Variants in ZBTB7C observed in about 807,000 individuals in gnomAD.
ZBTB7C encodes zinc finger and BTB domain containing 7C, also known as zinc finger and BTB domain-containing protein 7C.
ZBTB7C carries 8 observed loss-of-function variants against 25.7 expected under a neutral mutation model. That is an observed-to-expected ratio of 0.31 (90% confidence interval 0.18 to 0.56). The LOEUF (loss-of-function observed/expected upper bound fraction) is 0.56. Ranked by LOEUF, ZBTB7C falls within the 20% of genes least tolerant of loss-of-function variation. The probability of loss-of-function intolerance (pLI) is 0.91; values close to 1 mark genes in which losing one functional copy is unlikely to be tolerated. For synonymous variants in ZBTB7C, 394 were observed against 369.0 expected, an observed-to-expected ratio of 1.07 and a Z score of -0.78; for missense variants, 824 against 855.2, an observed-to-expected ratio of 0.96 and a Z score of 0.46.
rs565382970 is a variant in ZBTB7C at position 48,325,098 on chromosome 18, T to A, written c.-79+13076A>T. Reference sequence around the variant, plus strand: ...CTGTGCATGGTAACATGGGATTGAATGACTGATTGGTCTACTAACTGATTA... The same window carrying A: ...CTGTGCATGGTAACATGGGATTGAAAGACTGATTGGTCTACTAACTGATTA... On this transcript the variant is annotated intron_variant, in intron 2 of 4. Coordinates refer to ENST00000590800, the MANE Select transcript of ZBTB7C (RefSeq NM_001318841.2). Among the ~76,000 whole-genome samples, 9 of 152,304 alleles carry A rather than the reference T, an allele frequency of 5.9e-5. No homozygotes were observed. The South Asian group carries it at 1.9e-3, about 32-fold the overall frequency.
chr18:48,294,136 G>A lies in ZBTB7C; in HGVS notation c.-79+44038C>T, dbSNP rs530256615. Among the ~76,000 whole-genome samples, 23 of 152,326 alleles carry A rather than the reference G, an allele frequency of 1.5e-4. No individual in the cohort carries two copies. In the East Asian group the frequency reaches 3.9e-3, roughly 26 times the overall value. ...AGCATGCACCTTCCCCTGGGAGCCCGGAGAGCACATTAGCAGAGGCTTGGA... is the reference window on the plus strand; with the variant it reads ...AGCATGCACCTTCCCCTGGGAGCCCAGAGAGCACATTAGCAGAGGCTTGGA... On this transcript the variant is annotated intron_variant, in intron 2 of 4. Coordinates refer to ENST00000590800, the MANE Select transcript of ZBTB7C (RefSeq NM_001318841.2).
At chr18:48,135,729 C>T (rs186636473) in intron 3 of ZBTB7C, among the ~76,000 whole-genome samples, 3 of 152,286 alleles carry the variant, frequency 2.0e-5, no homozygotes, top group Non-Finnish European at 2.9e-5. Context: ...AGAGCCTTTA[C>T]CACCTCCAAG....
At chr18:48,150,792 A>G (rs938692382) in intron 3 of ZBTB7C, 1 of 152,148 alleles carries the variant, frequency 6.6e-6, no homozygotes, top group Non-Finnish European at 1.5e-5. Context: ...TGCAAATTTG[A>G]AGTCCCTGAT....
At chr18:48,354,594 T>G (rs2046936351) in intron 1 of ZBTB7C, among the ~76,000 whole-genome samples, 1 of 152,162 alleles carries the variant, frequency 6.6e-6, no homozygotes, top group African/African-American at 2.4e-5. Context: ...TTATACCACA[T>G]GAATAGAGCT....
chr18:48,379,289 T>C (rs537237743), intron 1 of ZBTB7C, among the ~76,000 whole-genome samples: 12 of 152,324 alleles, frequency 7.9e-5, no homozygotes, highest in African/African-American at 2.9e-4. Flanking sequence ...AACTGGGTAG[T>C]ATGCATTCTT....
chr18:48,373,260 G>T (rs2047431214), intron 1 of ZBTB7C, among the ~76,000 whole-genome samples: 1 of 151,614 alleles, frequency 6.6e-6, no homozygotes, highest in Non-Finnish European at 1.5e-5. Context: ...ACAAGATCTG[G>T]TCATTTAAAA....
chr18:48,037,784 G>A lies in ZBTB7C; in HGVS notation c.1208+2116C>T, dbSNP rs113316202. On this transcript the variant is annotated intron_variant, in intron 4 of 4. Coordinates refer to ENST00000590800, the MANE Select transcript of ZBTB7C (RefSeq NM_001318841.2). The stretch of plus-strand genomic sequence containing the variant: ...CAAGGGGGCAGGCATGGGCAGTTAG[G>A]GAGGCAGAGCCTGCGTTGGCAGGAG... Among the ~76,000 whole-genome samples, 26 of 152,328 alleles carry A rather than the reference G, an allele frequency of 1.7e-4. 1 individual carries two copies. Among genetic ancestry groups the A allele is most frequent in the African/African-American group, 6.3e-4 (26 of 41,582 alleles).
chr18:48,046,740 T>G (rs2036483609), intron 3 of ZBTB7C, among the ~76,000 whole-genome samples: 2 of 151,976 alleles, frequency 1.3e-5, no homozygotes, highest in Non-Finnish European at 2.9e-5. Context: ...TTCTGTGCTT[T>G]GAGAGCAATG....
At chr18:48,179,415 G>C (rs1167197529) in intron 3 of ZBTB7C, among the ~76,000 whole-genome samples, 2 of 152,202 alleles carry the variant, frequency 1.3e-5, no homozygotes, top group Non-Finnish European at 2.9e-5. Context: ...GCTGGATGTG[G>C]GGAATGTGGG....
intron 1 of ZBTB7C, among the ~76,000 whole-genome samples, chr18:48,339,680 G>C (rs1451972146): frequency 6.6e-6 from 1 of 152,194 alleles, no homozygotes; most frequent in Non-Finnish European, 1.5e-5. Flanking sequence ...TGGGAAGGAG[G>C]AGGGGGACAT....
intron 1 of ZBTB7C, among the ~76,000 whole-genome samples, chr18:48,399,077 ACAGT>A (rs1320911631): frequency 6.6e-6 from 1 of 152,248 alleles, no homozygotes; most frequent in East Asian, 1.9e-4. Flanking sequence ...TAATTGTCAG[ACAGT>A]CAGATATCTC....
rs950283280 is a variant in ZBTB7C at position 48,178,266 on chromosome 18, G to A, written c.-17+7668C>T. Reference sequence around the variant, plus strand: ...CTCTCCCTTAATGTATTTGGTACTTGTCTGCACGGGAGGCCCCACATTGCC... The same window carrying A: ...CTCTCCCTTAATGTATTTGGTACTTATCTGCACGGGAGGCCCCACATTGCC... On this transcript the variant is annotated intron_variant, in intron 3 of 4. Coordinates refer to ENST00000590800, the MANE Select transcript of ZBTB7C (RefSeq NM_001318841.2). Among the ~76,000 whole-genome samples the A allele has an allele frequency of 1.8e-4, 28 of 152,182 alleles. 1 individual carries two copies.
At chr18:48,077,341 G>A (rs1322688006) in intron 3 of ZBTB7C, among the ~76,000 whole-genome samples, 1 of 152,178 alleles carries the variant, frequency 6.6e-6, no homozygotes, top group African/African-American at 2.4e-5. Context: ...AGGGGGTAAT[G>A]AAGGTGAGAT....
chr18:48,279,159 C>A (rs1296950146), intron 2 of ZBTB7C, among the ~76,000 whole-genome samples: 1 of 152,062 alleles, frequency 6.6e-6, no homozygotes, highest in Non-Finnish European at 1.5e-5. Flanking sequence ...CCCCCGGCAC[C>A]CCCACTCCTC....
In ZBTB7C at chr18:48,166,644, T is replaced by C. The variant is rs1478327692; in HGVS notation, c.-17+19290A>G. 4.6e-5 allele frequency among the ~76,000 whole-genome samples: 7 copies of C among 152,104 alleles called. No individual in the cohort carries two copies. The East Asian group carries it at 7.7e-4, about 17-fold the overall frequency. On this transcript the variant is annotated intron_variant, in intron 3 of 4. Coordinates refer to ENST00000590800, the MANE Select transcript of ZBTB7C (RefSeq NM_001318841.2). ...TACGGACAGGACCAATGAAGCAGCATGTTAGGGGGCAAGAAAAAGGAGTTT... is the reference window on the plus strand; with the variant it reads ...TACGGACAGGACCAATGAAGCAGCACGTTAGGGGGCAAGAAAAAGGAGTTT...
chr18:48,248,335 T>A (rs115332758), intron 2 of ZBTB7C, among the ~76,000 whole-genome samples: 1 of 152,202 alleles, frequency 6.6e-6, no homozygotes. Context: ...CAGTTCTTTA[T>A]AGCAGTGAGA....
chr18:48,163,213 C>G (rs1482102094), intron 3 of ZBTB7C, among the ~76,000 whole-genome samples: 1 of 152,272 alleles, frequency 6.6e-6, no homozygotes, highest in East Asian at 1.9e-4. Flanking sequence ...AAAATGAGCC[C>G]TGAGCAAAAT....
intron 1 of ZBTB7C, among the ~76,000 whole-genome samples, chr18:48,367,013 AC>A (rs1261113368): frequency 1.3e-5 from 2 of 151,806 alleles, no homozygotes; most frequent in African/African-American, 4.8e-5. Flanking sequence ...TGGAAAGGAC[AC>A]TTTTCACTGC....
At chr18:48,153,510 G>T (rs960521023) in intron 3 of ZBTB7C, among the ~76,000 whole-genome samples, 1 of 152,204 alleles carries the variant, frequency 6.6e-6, no homozygotes, top group Non-Finnish European at 1.5e-5. Context: ...GACCCAGGGA[G>T]CTTCCTGCCA....
Sources: gnomAD v4.1 joint callset for allele counts (sites outside exome capture counted in the v4.1 genomes callset) on GRCh38, gnomAD v4.1.1 for gene constraint, MANE v1.5 for transcripts, NCBI Gene and HGNC (gene_info 2026-07-23, HGNC 2026-07-21) for gene names.